The following MAP3K9 variants were observed in gnomAD, a reference collection of about 807,000 sequenced individuals.
The protein encoded by MAP3K9 is mixed lineage kinase 1 (tyr and ser/thr specificity).
In MAP3K9, 46 loss-of-function variants were observed where a neutral mutation model predicts 95.8. The ratio of observed to expected loss-of-function variants is 0.48; its 90% CI spans 0.38 to 0.61. MAP3K9 has a LOEUF of 0.61. Among genes scored for constraint, MAP3K9 ranks in the 20% least tolerant of loss-of-function variants. MAP3K9 has a pLI of 0.00. For missense variants in MAP3K9, 1,296 were observed against 1,474.3 expected (o/e 0.88, Z 1.98); for synonymous variants, 533 against 593.8 (o/e 0.90, Z 1.49).
chr14:70,740,171 G>T lies in MAP3K9; in HGVS notation c.1568-7C>A. 6.2e-7 allele frequency: 1 copy of T among 1,611,686 alleles called. No homozygotes were observed. Among genetic ancestry groups the T allele is most frequent in the Non-Finnish European group, 8.5e-7 (1 of 1,178,064 alleles). Reference sequence around the variant, plus strand: ...GTGAACTTGTGCTGGAAATCTGCTTGGGGAAAGACAAACACGTGTATGCAT... The same window carrying T: ...GTGAACTTGTGCTGGAAATCTGCTTTGGGAAAGACAAACACGTGTATGCAT... On this transcript the variant is annotated splice_region_variant and splice_polypyrimidine_tract_variant and intron_variant, in intron 6 of 11. Coordinates refer to ENST00000554752, the MANE Select transcript of MAP3K9 (RefSeq NM_001284230.2).
In MAP3K9 at chr14:70,725,022, A is replaced by G. The variant is rs1399724006; in HGVS notation, c.*5358T>C. 1 of 152,402 alleles carries G rather than the reference A, an allele frequency of 6.6e-6. No individual in the cohort carries two copies. Among genetic ancestry groups the G allele is most frequent in the Non-Finnish European group, 1.5e-5 (1 of 68,172 alleles). The allele number at this position is 152,402 out of a possible 1,614,324, so 9.4% of individuals were successfully genotyped here. On this transcript the variant is annotated 3_prime_UTR_variant, in exon 12 of 12. Coordinates refer to ENST00000554752, the MANE Select transcript of MAP3K9 (RefSeq NM_001284230.2). ...TCAAAGAGGGCAGGTCAGACCAGAC[A>G]GGTAGGAAGATGGGTCAGGTGAAAG...
Position 70,730,332 on chromosome 14 carries a change from C to A in MAP3K9, c.*48G>T. 1 of 1,566,710 alleles carries A rather than the reference C, an allele frequency of 6.4e-7. No individual in the cohort carries two copies. The highest frequency in any genetic ancestry group is 1.2e-5 in the South Asian group (1 of 84,110). On this transcript the variant is annotated 3_prime_UTR_variant, in exon 12 of 12. Coordinates refer to ENST00000554752, the MANE Select transcript of MAP3K9 (RefSeq NM_001284230.2). ...AGAAAGGGCTGTGCCCGCCAGCTCCCCTCATCTCCGCTGGCTGTCCCCCTT... is the reference window on the plus strand; with the variant it reads ...AGAAAGGGCTGTGCCCGCCAGCTCCACTCATCTCCGCTGGCTGTCCCCCTT...
At chr14:70,765,566 C>T in intron 2 of MAP3K9, 2 of 582,868 alleles carry the variant, frequency 3.4e-6, no homozygotes, top group South Asian at 4.3e-5. Flanking sequence ...TTTAGGTACA[C>T]AAAGTCTTAG....
In MAP3K9 at chr14:70,809,180, C is replaced by G. The variant is rs2055037930; in HGVS notation, c.-9G>C. 4.5e-6 allele frequency: 6 copies of G among 1,336,188 alleles called. No individual in the cohort carries two copies. Among genetic ancestry groups the G allele is most frequent in the South Asian group, 2.0e-5 (1 of 49,518 alleles). 82.8% of individuals were successfully genotyped at this position (1,336,188 alleles called of 1,614,324 possible). A position where few individuals can be genotyped will look rare whatever the true frequency, so the allele number is the denominator to read the frequency against. On this transcript the variant is annotated 5_prime_UTR_variant, in exon 1 of 12. Transcript: ENST00000554752. ...GCTCTGGAGGGCTCCATGGAGCGGC[C>G]GATCCATAGGGTGCGGGGCCGCCGC...
chr14:70,800,990 T>C lies in MAP3K9; in HGVS notation c.497A>G (p.Asp166Gly). ...GCGAGCTGCTTTCACAGCAACCTCA[T>C]CCCCTATCCAGAAAGCACGATAGAC... ...GKVYRAFWIG[D>G]EVAVKAARHD... Residue 166 changes from aspartate (D) to glycine (G), a missense_variant, in exon 2 of 12, where the codon GAT becomes GGT. Coordinates refer to ENST00000554752, the MANE Select transcript of MAP3K9 (RefSeq NM_001284230.2). The C allele has an allele frequency of 6.2e-7, 1 of 1,614,048 alleles. No individual in the cohort carries two copies. The highest frequency in any genetic ancestry group is 8.5e-7 in the Non-Finnish European group (1 of 1,180,000).
chr14:70,787,933 G>A (rs1210979066), intron 2 of MAP3K9, among the ~76,000 whole-genome samples: 2 of 152,156 alleles, frequency 1.3e-5, no homozygotes, highest in Non-Finnish European at 2.9e-5. Flanking sequence ...AGAGATGGGG[G>A]GAGCAAGGGA....
intron 8 of MAP3K9, 31 bp downstream of exon 8, chr14:70,738,210 AAGAG>A (rs549700134): frequency 1.3e-6 from 2 of 1,578,912 alleles, no homozygotes; most frequent in South Asian, 1.2e-5. Context: ...ATCCATCTTC[AAGAG>A]AGAAAGAATT....
intron 11 of MAP3K9, among the ~76,000 whole-genome samples, chr14:70,731,820 G>A (rs2053907450): frequency 1.3e-5 from 2 of 152,224 alleles, no homozygotes; most frequent in Non-Finnish European, 1.5e-5. Context: ...CTCATTGAAA[G>A]GGTATTACTA....
At chr14:70,750,164 C>A in intron 3 of MAP3K9, 83 bp from the exon 4 acceptor site, 3 of 1,157,310 alleles carry the variant, frequency 2.6e-6, no homozygotes, top group Admixed American at 2.0e-5. Context: ...TTCTGAGCAT[C>A]CCACATTCTC....
At chr14:70,765,609 C>G in intron 2 of MAP3K9, 1 of 447,010 alleles carries the variant, frequency 2.2e-6, no homozygotes, top group Non-Finnish European at 4.0e-6. Flanking sequence ...ATATTCAGTA[C>G]AGTAACATGT....
chr14:70,763,347 T>C (rs1483180605), intron 2 of MAP3K9, among the ~76,000 whole-genome samples: 1 of 152,186 alleles, frequency 6.6e-6, no homozygotes, highest in Admixed American at 6.5e-5. Flanking sequence ...AAACTTCCTA[T>C]CACCTAGTGA....
intron 11 of MAP3K9, among the ~76,000 whole-genome samples, chr14:70,731,551 C>T (rs374964883): frequency 7.9e-5 from 12 of 152,328 alleles, no homozygotes; most frequent in South Asian, 2.1e-4. Context: ...AGAAACTGTA[C>T]GGCCTACAAA....
intron 5 of MAP3K9, among the ~76,000 whole-genome samples, chr14:70,743,212 TC>T (rs2054100361): frequency 6.6e-6 from 1 of 152,050 alleles, no homozygotes; most frequent in Non-Finnish European, 1.5e-5. Flanking sequence ...GGTCTCAAAC[TC>T]CTGGCATCAA....
Position 70,728,681 on chromosome 14 carries a change from T to C in MAP3K9, c.*1699A>G, listed in dbSNP as rs2053853139. On this transcript the variant is annotated 3_prime_UTR_variant, in exon 12 of 12. Coordinates refer to ENST00000554752, the MANE Select transcript of MAP3K9 (RefSeq NM_001284230.2). ...TGGGCCCCTTGAACCAAAGTGCTAATGGGCTCATAAAGCAAGGAACAAGGT... is the reference window on the plus strand; with the variant it reads ...TGGGCCCCTTGAACCAAAGTGCTAACGGGCTCATAAAGCAAGGAACAAGGT... The C allele has an allele frequency of 6.6e-6, 1 of 152,208 alleles. No homozygotes were observed. Among genetic ancestry groups the C allele is most frequent in the South Asian group, 2.1e-4 (1 of 4,818 alleles). 9.4% of individuals were successfully genotyped at this position (152,208 alleles called of 1,614,324 possible).
intron 3 of MAP3K9, among the ~76,000 whole-genome samples, chr14:70,759,151 T>C (rs2054336146): frequency 2.0e-5 from 3 of 152,224 alleles, no homozygotes; most frequent in Middle Eastern, 3.4e-3. Flanking sequence ...ATGATAAAAA[T>C]GTTCTGGAAA....
At position 70,750,044 on chromosome 14, in the gene MAP3K9, C is replaced by T. The variant is rs755873556; in HGVS notation, c.1039G>A (p.Val347Met). The T allele has an allele frequency of 6.2e-7, 1 of 1,614,182 alleles. No individual in the cohort carries two copies. Among genetic ancestry groups the T allele is most frequent in the African/African-American group, 1.3e-5 (1 of 75,040 alleles). Residue 347 changes from valine to methionine, a missense_variant, in exon 4 of 12, where the codon GTG becomes ATG. Around this residue, in one of 5 missense-constraint regions of MAP3K9, gnomAD observed 136 missense variants for 221.5 expected, o/e 0.61. Transcript: ENST00000554752. ...VLLWELLTGEVPFRGIDGLAV... is the reference protein window; with the variant it reads ...VLLWELLTGEMPFRGIDGLAV... The stretch of plus-strand genomic sequence containing the variant: ...AAGCCATCAATGCCTCGAAAGGGCA[C>T]CTCACCAGTCAGCAACTCCCAAAGT...
intron 2 of MAP3K9, among the ~76,000 whole-genome samples, chr14:70,771,015 T>G (rs2054524854): frequency 1.3e-5 from 2 of 152,276 alleles, no homozygotes; most frequent in Admixed American, 6.5e-5. Flanking sequence ...AGTGGCTGCA[T>G]AAAGTAGAGG....
chr14:70,800,753 C>A lies in MAP3K9; in HGVS notation c.734G>T (p.Trp245Leu), dbSNP rs1331616996. 6.2e-7 allele frequency: 1 copy of A among 1,614,122 alleles called. No individual in the cohort carries two copies. The highest frequency in any genetic ancestry group is 8.5e-7 in the Non-Finnish European group (1 of 1,180,040). Reference sequence around the variant, plus strand: ...CATCCCTCTGGCAATCTGCACAGCCCAATTCACCAGGATGTCTGGGGGAAT... The same window carrying A: ...CATCCCTCTGGCAATCTGCACAGCCAAATTCACCAGGATGTCTGGGGGAAT... The part of the protein sequence containing the change: ...KRIPPDILVN[W>L]AVQIARGMNY... The change falls in exon 2 of 12, where the codon TGG becomes TTG. Residue 245 changes from tryptophan to leucine, a missense_variant. Trp to Leu is a moderately conservative substitution (Grantham distance 61, BLOSUM62 -2). This residue lies in a region of MAP3K9 where 338 missense variants were observed against 363.4 expected (regional missense o/e 0.93). Coordinates refer to ENST00000554752, the MANE Select transcript of MAP3K9 (RefSeq NM_001284230.2).
chr14:70,804,961 T>A (rs1023829560), intron 1 of MAP3K9, among the ~76,000 whole-genome samples: 1 of 152,082 alleles, frequency 6.6e-6, no homozygotes, highest in Non-Finnish European at 1.5e-5. Context: ...TCCCTGTGGA[T>A]AGGAACGAAG....
Sources: allele counts gnomAD v4.1 joint callset (sites outside exome capture counted in the v4.1 genomes callset), GRCh38; gene constraint gnomAD v4.1.1; regional missense constraint gnomAD v4.1.1; transcripts MANE v1.5; gene names NCBI Gene and HGNC (gene_info 2026-07-23, HGNC 2026-07-21).